KHDRBS2: variants seen among roughly 807,000 people sequenced by gnomAD.
KHDRBS2 encodes KH domain-containing, RNA-binding, signal transduction-associated protein 2.
KHDRBS2 carries 26 observed loss-of-function variants against 44.3 expected under a neutral mutation model. That is an observed-to-expected ratio of 0.59 (90% CI 0.43 to 0.81). The LOEUF is 0.81. Ranked by LOEUF, KHDRBS2 falls within the 40% of genes least tolerant of loss-of-function variation. The probability of loss-of-function intolerance (pLI) is 0.00; values close to 1 mark genes in which losing one functional copy is unlikely to be tolerated. For missense variants in KHDRBS2, 476 were observed against 433.1 expected (o/e 1.10, Z -0.88); for synonymous variants, 194 against 151.1 (o/e 1.28, Z -2.08).
chr6:61,915,328 G>A (rs1045103835), intron 4 of KHDRBS2, among the ~76,000 whole-genome samples: 4 of 152,036 alleles, frequency 2.6e-5, no homozygotes, highest in African/African-American at 9.7e-5. Context: ...CTATTAACTA[G>A]TTTTGTCCCT....
the KHDRBS2 span, among the ~76,000 whole-genome samples, chr6:61,568,749 A>G: frequency 6.6e-6 from 1 of 152,232 alleles, no homozygotes; most frequent in African/African-American, 2.4e-5. Context: ...AAAGTGCCTT[A>G]CAGGCACTCC....
intron 6 of KHDRBS2, chr6:61,816,628 G>A (rs537089412): frequency 2.7e-4 from 121 of 451,270 alleles, no homozygotes; most frequent in African/African-American, 2.0e-3. Context: ...GTGGTACTTC[G>A]TTATCACAAT....
intron 2 of KHDRBS2, among the ~76,000 whole-genome samples, chr6:62,146,345 T>A (rs766235372): frequency 9.9e-5 from 15 of 151,848 alleles, no homozygotes; most frequent in Non-Finnish European, 2.1e-4. Flanking sequence ...GGATGACCAG[T>A]TTCCCAAATC....
chr6:61,737,067 C>T (rs1349591555), intron 6 of KHDRBS2, among the ~76,000 whole-genome samples: 1 of 151,986 alleles, frequency 6.6e-6, no homozygotes, highest in Non-Finnish European at 1.5e-5. Flanking sequence ...TATCCACTGT[C>T]TAGATATGGA....
chr6:62,060,633 C>G (rs11968838), intron 2 of KHDRBS2, among the ~76,000 whole-genome samples: 1 of 144,870 alleles, frequency 6.9e-6, no homozygotes, highest in Admixed American at 7.0e-5. Flanking sequence ...CTCTCTCTCT[C>G]TATATATATA....
At chr6:62,091,047 T>C (rs1472273156) in intron 2 of KHDRBS2, among the ~76,000 whole-genome samples, 2 of 152,150 alleles carry the variant, frequency 1.3e-5, no homozygotes, top group Non-Finnish European at 2.9e-5. Flanking sequence ...ATACTGTTCA[T>C]TGCAACCTAG....
At chr6:61,829,954 C>T (rs764556008) in intron 6 of KHDRBS2, among the ~76,000 whole-genome samples, 3 of 152,124 alleles carry the variant, frequency 2.0e-5, no homozygotes, top group African/African-American at 4.8e-5. Flanking sequence ...CATATGCCTG[C>T]TCATACATGC....
chr6:61,937,179 C>T (rs993448348), intron 4 of KHDRBS2, among the ~76,000 whole-genome samples: 7 of 151,840 alleles, frequency 4.6e-5, no homozygotes, highest in African/African-American at 1.7e-4. Flanking sequence ...TAAATTGTGT[C>T]TGGTTCACCT....
At chr6:61,651,800 C>T in the KHDRBS2 span, among the ~76,000 whole-genome samples, 2 of 152,018 alleles carry the variant, frequency 1.3e-5, no homozygotes, top group Non-Finnish European at 2.9e-5. Context: ...AGTGCATATG[C>T]TATAAGTATG....
At chr6:62,121,610 G>A (rs1401541346) in intron 2 of KHDRBS2, among the ~76,000 whole-genome samples, 1 of 152,190 alleles carries the variant, frequency 6.6e-6, no homozygotes, top group African/African-American at 2.4e-5. Flanking sequence ...GCCTTCAGCT[G>A]GCAAGGCCAG....
At chr6:61,939,190 T>C (rs1811631444) in intron 4 of KHDRBS2, among the ~76,000 whole-genome samples, 1 of 152,174 alleles carries the variant, frequency 6.6e-6, no homozygotes, top group South Asian at 2.1e-4. Flanking sequence ...CACATCGATG[T>C]AATGGACTTT....
chr6:61,733,201 G>A (rs919649812), intron 6 of KHDRBS2, among the ~76,000 whole-genome samples: 1 of 151,912 alleles, frequency 6.6e-6, no homozygotes, highest in Non-Finnish European at 1.5e-5. Context: ...TCCTTAAACT[G>A]TAGTCAACTT....
chr6:62,158,160 G>T (rs1390192741), intron 2 of KHDRBS2, among the ~76,000 whole-genome samples: 1 of 152,102 alleles, frequency 6.6e-6, no homozygotes, highest in Non-Finnish European at 1.5e-5. Context: ...TGGCACTAAA[G>T]AACTCTTAGA....
At chr6:61,955,566 A>G (rs139853909) in intron 4 of KHDRBS2, among the ~76,000 whole-genome samples, 2,435 of 32,812 alleles carry the variant, frequency 0.074, 976 homozygotes, top group African/African-American at 0.22. Flanking sequence ...ATACATGTGT[A>G]TATATACACG....
chr6:61,898,299 A>G (rs1225177218), intron 5 of KHDRBS2, among the ~76,000 whole-genome samples: 1 of 151,908 alleles, frequency 6.6e-6, no homozygotes, highest in Non-Finnish European at 1.5e-5. Context: ...GGTATGACCA[A>G]TCTTTAATTT....
the KHDRBS2 span, among the ~76,000 whole-genome samples, chr6:61,551,099 A>G: frequency 1.3e-5 from 2 of 151,824 alleles, no homozygotes; most frequent in African/African-American, 4.8e-5. Flanking sequence ...TGTGGTTTTG[A>G]TTTGTATTTC....
At chr6:62,114,780 C>T (rs1287673177) in intron 2 of KHDRBS2, among the ~76,000 whole-genome samples, 1 of 146,486 alleles carries the variant, frequency 6.8e-6, no homozygotes, top group Non-Finnish European at 1.5e-5. Context: ...AGAGTCTGAA[C>T]CCTCAACCAC....
At chr6:61,820,150 T>C (rs1789665123) in intron 6 of KHDRBS2, among the ~76,000 whole-genome samples, 1 of 152,004 alleles carries the variant, frequency 6.6e-6, no homozygotes, top group South Asian at 2.1e-4. Context: ...TGCTAGCAAG[T>C]AGCTTTGGTC....
At chr6:62,258,862 G>A (rs1216545573) in intron 1 of KHDRBS2, among the ~76,000 whole-genome samples, 4 of 152,006 alleles carry the variant, frequency 2.6e-5, no homozygotes. Flanking sequence ...CTCTGCACAT[G>A]TCCCCATCAG....
Sources: allele counts gnomAD v4.1 joint callset (sites outside exome capture counted in the v4.1 genomes callset), GRCh38; gene constraint gnomAD v4.1.1; transcripts MANE v1.5; gene names NCBI Gene and HGNC (gene_info 2026-07-23, HGNC 2026-07-21).